DHX33: variants seen among roughly 807,000 people sequenced by gnomAD.
DHX33 encodes ATP-dependent RNA helicase DHX33.
Under a neutral mutation model 72.5 loss-of-function variants are expected in DHX33, and 42 were observed. The ratio of observed to expected loss-of-function variants is 0.58; its 90% CI spans 0.45 to 0.75. The LOEUF (loss-of-function observed/expected upper bound fraction) is 0.75. DHX33 is among the 30% of genes least tolerant of loss of function. DHX33 has a pLI of 0.00. For missense variants in DHX33, 842 were observed against 917.5 expected (o/e 0.92, Z 1.06); for synonymous variants, 358 against 366.1 (o/e 0.98, Z 0.25).
intron 8 of DHX33, among the ~76,000 whole-genome samples, chr17:5,452,771 T>C (rs981290507): frequency 6.6e-6 from 1 of 152,184 alleles, no homozygotes; most frequent in Non-Finnish European, 1.5e-5. Context: ...CATATACTCA[T>C]ATATGCATAC....
At chr17:5,454,983 C>T (rs1917123820) in intron 6 of DHX33, among the ~76,000 whole-genome samples, 177 bp downstream of exon 6, 1 of 152,218 alleles carries the variant, frequency 6.6e-6, no homozygotes, top group South Asian at 2.1e-4. Flanking sequence ...TCCTGTCTCA[C>T]ATACCCGCCT....
rs778247070 is a variant in DHX33, at chr17:5,448,823, C to T, written c.1801G>A (p.Asp601Asn). Reference protein sequence around the residue: ...LVAEVRAQLRDICLKMSMPIA... With the variant: ...LVAEVRAQLRNICLKMSMPIA... Reference sequence around the variant, plus strand: ...CCAGACGATACCTTTAAGCAGATGTCCCTCAGCTGTGCTCTGACTTCTGCT... The same window carrying T: ...CCAGACGATACCTTTAAGCAGATGTTCCTCAGCTGTGCTCTGACTTCTGCT... The change falls in exon 11 of 12, where the codon GAC (aspartate) becomes AAC (asparagine). Residue 601 changes from aspartate (D) to asparagine (N), a missense_variant. Physicochemically the swap from Asp to Asn is conservative, Grantham distance 23. Coordinates refer to ENST00000225296, the MANE Select transcript of DHX33 (RefSeq NM_020162.4). The T allele has an allele frequency of 2.5e-6, 4 of 1,611,082 alleles. No homozygotes were observed. In the East Asian group the frequency reaches 6.7e-5, roughly 27 times the overall value.
Position 5,450,898 on chromosome 17 carries a change from A to G in DHX33, c.1433T>C (p.Leu478Ser), listed in dbSNP as rs1168528099. The G allele has an allele frequency of 1.2e-6, 2 of 1,614,198 alleles. No homozygotes were observed. Among genetic ancestry groups the G allele is most frequent in the South Asian group, 2.2e-5 (2 of 91,086 alleles). The change falls in exon 9 of 12, where the codon TTA (leucine) becomes TCA (serine). Residue 478 changes from leucine to serine, a missense_variant. Transcript: ENST00000225296. ...IQAAIAQLDL[L>S]GALEHKDDQL... ...GTCATCCTTATGTTCAAGAGCACCT[A>G]ACAGGTCCAGTTGGGCAATGGCCGC...
chr17:5,455,771 G>A lies in DHX33; in HGVS notation c.1035+226C>T, dbSNP rs144378034. Reference sequence around the variant, plus strand: ...AGTCACTCGTTTACCTTGCAGCTTTGGTTTATACTCTCCCTCATCCCAACA... The same window carrying A: ...AGTCACTCGTTTACCTTGCAGCTTTAGTTTATACTCTCCCTCATCCCAACA... On this transcript the variant is annotated intron_variant, in intron 5 of 11. Coordinates refer to ENST00000225296, the MANE Select transcript of DHX33 (RefSeq NM_020162.4). Among the ~76,000 whole-genome samples, 232 of 152,290 alleles carry A rather than the reference G, an allele frequency of 1.5e-3. 1 individual carries two copies. Among genetic ancestry groups the A allele is most frequent in the Middle Eastern group, 0.01 (3 of 292 alleles).
chr17:5,462,105 A>G (rs1443857056), intron 3 of DHX33, among the ~76,000 whole-genome samples: 1 of 149,598 alleles, frequency 6.7e-6, no homozygotes, highest in African/African-American at 2.5e-5. Flanking sequence ...ACACCCAGCT[A>G]ATTTTTATAT....
At chr17:5,468,212 G>C (rs1355920636) in intron 1 of DHX33, among the ~76,000 whole-genome samples, 4 of 152,060 alleles carry the variant, frequency 2.6e-5, no homozygotes, top group Non-Finnish European at 5.9e-5. Flanking sequence ...TCTCTCAAAC[G>C]GGCTTTCCCC....
At chr17:5,445,732 C>T (rs1916633330) in intron 11 of DHX33, among the ~76,000 whole-genome samples, 1 of 152,158 alleles carries the variant, frequency 6.6e-6, no homozygotes. Context: ...AAATCACTTC[C>T]ATGCGGAGGT....
At chr17:5,465,583 T>C (rs1433825195) in intron 1 of DHX33, among the ~76,000 whole-genome samples, 2 of 152,214 alleles carry the variant, frequency 1.3e-5, no homozygotes, top group Non-Finnish European at 2.9e-5. Context: ...CCAAAACTTT[T>C]TGAGCATCTG....
intron 7 of DHX33, 48 bp from the exon 8 acceptor site, chr17:5,453,716 G>A (rs1917059113): frequency 1.9e-6 from 3 of 1,611,452 alleles, no homozygotes; most frequent in Non-Finnish European, 1.7e-6. Flanking sequence ...CTCTGCCATT[G>A]AGTCAGAACC....
chr17:5,462,623 T>G, intron 2 of DHX33, 77 bp from the exon 3 acceptor site: 1 of 1,027,000 alleles, frequency 9.7e-7, no homozygotes, highest in Middle Eastern at 2.1e-4. Context: ...GTTGGGCACT[T>G]GCACTACCAC....
intron 1 of DHX33, among the ~76,000 whole-genome samples, chr17:5,466,256 TG>T (rs1440585377): frequency 6.6e-6 from 1 of 152,230 alleles, no homozygotes; most frequent in Non-Finnish European, 1.5e-5. Flanking sequence ...ATAGGTTTCA[TG>T]TTAGATAATA....
At chr17:5,450,688 G>A in intron 9 of DHX33, 119 bp downstream of exon 9, 6 of 1,436,832 alleles carry the variant, frequency 4.2e-6, no homozygotes, top group Non-Finnish European at 5.7e-6. Context: ...CAAACTAGGG[G>A]TTGGTAATTA....
chr17:5,448,960 G>C, intron 10 of DHX33, 65 bp from the exon 11 acceptor site: 1 of 1,325,842 alleles, frequency 7.5e-7, no homozygotes, highest in Non-Finnish European at 1.1e-6. Context: ...ACAGAGACGG[G>C]GTCTTGCTCT....
chr17:5,468,734 G>A lies in DHX33; in HGVS notation c.126C>T (p.Gly42=). The A allele has an allele frequency of 6.2e-7, 1 of 1,610,868 alleles. No homozygotes were observed. Among genetic ancestry groups the A allele is most frequent in the Non-Finnish European group, 8.5e-7 (1 of 1,179,014 alleles). The change falls in exon 1 of 12, where the codon GGC becomes GGT. Residue 42 remains glycine, a synonymous_variant. Coordinates refer to ENST00000225296, the MANE Select transcript of DHX33 (RefSeq NM_020162.4). ...VVMLLTAGSG[G]RGGGGGRRQQ... is the part of the protein sequence containing the mutation. ...GCCTCCGGCCTCCTCCTCCTCCTCT[G>A]CCGCCGCTGCCCGCAGTCAGCAGCA... is the stretch of plus-strand genomic sequence containing the variant.
chr17:5,465,780 T>C (rs1904855030), intron 1 of DHX33, among the ~76,000 whole-genome samples: 1 of 152,142 alleles, frequency 6.6e-6, no homozygotes, highest in African/African-American at 2.4e-5. Context: ...CTCGTCTCCA[T>C]CCTCCCCAAG....
chr17:5,454,013 T>C, intron 6 of DHX33, 33 bp from the exon 7 acceptor site: 3 of 1,606,474 alleles, frequency 1.9e-6, no homozygotes, highest in Non-Finnish European at 2.5e-6. Flanking sequence ...TAGTGCTTCA[T>C]CACATGAACA....
At position 5,453,932 on chromosome 17, in the gene DHX33, G is replaced by C. The variant is rs1917072719; in HGVS notation, c.1196C>G (p.Ala399Gly). Reference sequence around the variant, plus strand: ...GCCAGCCCTCCCTGTGCGCTGCCAAGCCTGCGTCTTCGATACCCGCTGCAC... The same window carrying C: ...GCCAGCCCTCCCTGTGCGCTGCCAACCCTGCGTCTTCGATACCCGCTGCAC... ...LAVQRVSKTQAWQRTGRAGRE... is the reference protein window; with the variant it reads ...LAVQRVSKTQGWQRTGRAGRE... The change falls in exon 7 of 12, where the codon GCT becomes GGT. Residue 399 changes from alanine to glycine, a missense_variant. By Grantham distance (60) the Ala-to-Gly change is moderately conservative. Coordinates refer to ENST00000225296, the MANE Select transcript of DHX33 (RefSeq NM_020162.4). 1.9e-6 allele frequency: 3 copies of C among 1,614,088 alleles called. No individual in the cohort carries two copies.
rs777799885 is a variant in DHX33 at position 5,453,873 on chromosome 17, T to C, written c.1255A>G (p.Thr419Ala). Residue 419 changes from threonine to alanine, a missense_variant, in exon 7 of 12, where the codon ACG (threonine) becomes GCG (alanine). Physicochemically the swap from Thr to Ala is moderately conservative, Grantham distance 58. Coordinates refer to ENST00000225296, the MANE Select transcript of DHX33 (RefSeq NM_020162.4). ...TCAAACTTCTCAAACTCGTCCTCCG[T>C]GTAGAGCCGGTAGCAGATGCCACTG... ...EDSGICYRLY[T>A]EDEFEKFDKM... 3 of 1,614,134 alleles carry C rather than the reference T, an allele frequency of 1.9e-6. No individual in the cohort carries two copies. Among genetic ancestry groups the C allele is most frequent in the Admixed American group, 3.3e-5 (2 of 60,024 alleles).
At chr17:5,454,025 ACT>A (rs1238895170) in intron 6 of DHX33, 45 bp from the exon 7 acceptor site, 1 of 1,597,194 alleles carries the variant, frequency 6.3e-7, no homozygotes, top group South Asian at 1.1e-5. Flanking sequence ...ACATGAACAA[ACT>A]CTTTCTACAG....
Sources: gnomAD v4.1 joint callset for allele counts (sites outside exome capture counted in the v4.1 genomes callset) on GRCh38, gnomAD v4.1.1 for gene constraint, MANE v1.5 for transcripts, NCBI Gene and HGNC (gene_info 2026-07-23, HGNC 2026-07-21) for gene names.